CACNG2: variants seen among roughly 807,000 people sequenced by gnomAD.
CACNG2 encodes voltage-dependent calcium channel gamma-2 subunit.
A neutral mutation model predicts 25.9 loss-of-function variants in CACNG2; 3 were observed. That is an observed-to-expected ratio of 0.12 (90% CI 0.05 to 0.30). The LOEUF is 0.30. Ranked by LOEUF, CACNG2 falls within the 10% of genes least tolerant of loss-of-function variation. The probability of loss-of-function intolerance (pLI) is 1.00; values close to 1 mark genes in which losing one functional copy is unlikely to be tolerated. For missense variants in CACNG2, 341 were observed against 432.5 expected (o/e 0.79, Z 1.88); for synonymous variants, 167 against 173.3 (o/e 0.96, Z 0.29).
chr22:36,701,675 C>T (rs150258968), intron 1 of CACNG2, among the ~76,000 whole-genome samples: 63 of 152,224 alleles, frequency 4.1e-4, no homozygotes, highest in Admixed American at 7.9e-4. Flanking sequence ...TTTATTAGAA[C>T]TTAGGCTTGT....
intron 1 of CACNG2, among the ~76,000 whole-genome samples, chr22:36,696,125 G>T (rs528698737): frequency 6.6e-6 from 1 of 152,312 alleles, no homozygotes; most frequent in South Asian, 2.1e-4. Flanking sequence ...CTCAAGGGAA[G>T]CTCTCCCCCA....
intron 1 of CACNG2, among the ~76,000 whole-genome samples, chr22:36,595,487 C>T (rs536032902): frequency 7.9e-5 from 12 of 152,298 alleles, no homozygotes; most frequent in African/African-American, 2.2e-4. Context: ...AAACATGTAC[C>T]AGCACACCAC....
At position 36,566,451 on chromosome 22, in the gene CACNG2, A is replaced by T. The variant is rs767841413; in HGVS notation, c.338T>A (p.Ile113Asn). The T allele has an allele frequency of 5.0e-5, 80 of 1,614,030 alleles. No individual in the cohort carries two copies. Among genetic ancestry groups the T allele is most frequent in the Non-Finnish European group, 6.4e-5 (76 of 1,180,002 alleles). Residue 113 changes from isoleucine to asparagine, a missense_variant, in exon 3 of 4, where the codon ATT becomes AAT. Physicochemically the swap from Ile to Asn is moderately radical, Grantham distance 149. Coordinates refer to ENST00000300105, the MANE Select transcript of CACNG2 (RefSeq NM_006078.5). ...GCAGAGGCCACCCATGAAAAGCAGA[A>T]TCACACTCAGGATTGGGAAAATGCT... ...ASSIFPILSV[I>N]LLFMGGLCIA...
intron 1 of CACNG2, among the ~76,000 whole-genome samples, chr22:36,645,622 A>G (rs12168324): frequency 0.044 from 6,698 of 151,192 alleles, 273 homozygotes; most frequent in Middle Eastern, 0.1. Flanking sequence ...TTCAAAGTTT[A>G]CTTATTGGGC....
At chr22:36,697,459 G>A (rs1937354960) in intron 1 of CACNG2, among the ~76,000 whole-genome samples, 1 of 152,180 alleles carries the variant, frequency 6.6e-6, no homozygotes, top group Non-Finnish European at 1.5e-5. Context: ...ATGATAGGGG[G>A]ACAATGTAGC....
chr22:36,580,462 T>C (rs576916394), intron 2 of CACNG2, among the ~76,000 whole-genome samples: 1 of 152,236 alleles, frequency 6.6e-6, no homozygotes, highest in South Asian at 2.1e-4. Flanking sequence ...TGGGGGCATC[T>C]GCTTTGATGA....
chr22:36,587,521 A>G lies in CACNG2; in HGVS notation c.239T>C (p.Ile80Thr), dbSNP rs1166545507. Residue 80 changes from isoleucine to threonine, a missense_variant, in exon 2 of 4, where the codon ATT becomes ACT. Physicochemically the swap from Ile to Thr is moderately conservative, Grantham distance 89. Coordinates refer to ENST00000300105, the MANE Select transcript of CACNG2 (RefSeq NM_006078.5). ...ATCTGCATCCTCTGGGAAGTGATCAATTTGCTTGCACAGACCTTTGAAATT... is the reference window on the plus strand; with the variant it reads ...ATCTGCATCCTCTGGGAAGTGATCAGTTTGCTTGCACAGACCTTTGAAATT... ...EGNFKGLCKQ[I>T]DHFPEDADYE... The G allele has an allele frequency of 1.9e-6, 3 of 1,613,600 alleles. No homozygotes were observed. The highest frequency in any genetic ancestry group is 1.7e-5 in the Admixed American group (1 of 60,022).
intron 2 of CACNG2, among the ~76,000 whole-genome samples, chr22:36,573,934 G>A (rs1289400719): frequency 2.0e-5 from 3 of 152,206 alleles, no homozygotes; most frequent in East Asian, 1.9e-4. Context: ...AGCAGGAGCC[G>A]AAGGTGGAGG....
chr22:36,603,151 T>C (rs1317350758), intron 1 of CACNG2, among the ~76,000 whole-genome samples: 1 of 152,140 alleles, frequency 6.6e-6, no homozygotes, highest in Non-Finnish European at 1.5e-5. Context: ...GAAAGTGAAA[T>C]ATATTTGCTG....
chr22:36,655,027 G>C (rs550139839), intron 1 of CACNG2, among the ~76,000 whole-genome samples: 19 of 151,988 alleles, frequency 1.3e-4, no homozygotes, highest in Middle Eastern at 3.2e-3. Context: ...GATTTGGGAG[G>C]GGGGAAAACA....
chr22:36,665,962 C>A (rs1157536639), intron 1 of CACNG2, among the ~76,000 whole-genome samples: 1 of 152,192 alleles, frequency 6.6e-6, no homozygotes, highest in African/African-American at 2.4e-5. Context: ...AACCCAATAG[C>A]AACCCGTGTC....
chr22:36,590,944 C>T (rs1006808212), intron 1 of CACNG2, among the ~76,000 whole-genome samples: 1 of 152,142 alleles, frequency 6.6e-6, no homozygotes, highest in Admixed American at 6.5e-5. Flanking sequence ...CCTCTGTTGC[C>T]TCTTTCTCCT....
intron 1 of CACNG2, among the ~76,000 whole-genome samples, chr22:36,660,482 A>G (rs1439767340): frequency 6.6e-6 from 1 of 152,260 alleles, no homozygotes; most frequent in Non-Finnish European, 1.5e-5. Flanking sequence ...TCTGTCTTGG[A>G]AAATCACAAG....
intron 2 of CACNG2, among the ~76,000 whole-genome samples, chr22:36,580,446 G>A (rs1467521445): frequency 6.6e-6 from 1 of 152,152 alleles, no homozygotes; most frequent in East Asian, 1.9e-4. Flanking sequence ...GTTGTGGGGA[G>A]CTGAGTGGGG....
chr22:36,682,913 A>T (rs5756289), intron 1 of CACNG2, among the ~76,000 whole-genome samples: 20,526 of 152,012 alleles, frequency 0.14, 2,171 homozygotes, highest in East Asian at 0.5. Flanking sequence ...TCCTTCATTT[A>T]AAAAAAATCT....
chr22:36,570,940 A>C (rs1421637119), intron 2 of CACNG2, among the ~76,000 whole-genome samples: 1 of 152,078 alleles, frequency 6.6e-6, no homozygotes, highest in Non-Finnish European at 1.5e-5. Context: ...GTAGTGTCAC[A>C]AACGGAATGG....
intron 1 of CACNG2, among the ~76,000 whole-genome samples, chr22:36,603,320 T>C (rs1396081627): frequency 6.6e-6 from 1 of 152,166 alleles, no homozygotes; most frequent in Non-Finnish European, 1.5e-5. Flanking sequence ...TAGCAGAGGT[T>C]GGTTCATGAG....
intron 2 of CACNG2, among the ~76,000 whole-genome samples, chr22:36,577,217 C>A (rs564428808): frequency 4.6e-5 from 7 of 152,314 alleles, no homozygotes; most frequent in African/African-American, 1.7e-4. Context: ...ACCAGCAAAT[C>A]GTGCTCATCA....
intron 1 of CACNG2, among the ~76,000 whole-genome samples, chr22:36,694,504 G>T (rs1937307988): frequency 6.6e-6 from 1 of 152,186 alleles, no homozygotes; most frequent in Admixed American, 6.5e-5. Context: ...AAAAAATCTG[G>T]TGTTATAACT....
Sources: gnomAD v4.1 joint callset for allele counts (sites outside exome capture counted in the v4.1 genomes callset) on GRCh38, gnomAD v4.1.1 for gene constraint, MANE v1.5 for transcripts, NCBI Gene and HGNC (gene_info 2026-07-23, HGNC 2026-07-21) for gene names.